Variants in MTURN observed in about 807,000 individuals in gnomAD.
The protein encoded by MTURN is maturin, neural progenitor differentiation regulator homolog.
MTURN carries 7 observed loss-of-function variants against 14.9 expected under a neutral mutation model. The observed-to-expected ratio is 0.47, with a 90% CI of 0.27 to 0.88. The LOEUF is 0.88. Among genes scored for constraint, MTURN ranks in the 40% least tolerant of loss-of-function variants. The pLI is 0.14. For synonymous variants in MTURN, 69 were observed against 72.5 expected (o/e 0.95, Z 0.25); for missense variants, 151 against 174.1 (o/e 0.87, Z 0.75).
intron 1 of MTURN, among the ~76,000 whole-genome samples, chr7:30,140,415 G>GTGTATATATATATATATATATATA (rs33952294): frequency 1.2e-4 from 17 of 143,732 alleles, no homozygotes; most frequent in Admixed American, 9.7e-4. Context: ...GTGTGTGTGT[G>GTGTATATATATATATATATATATA]TATCCCCATT....
chr7:30,141,297 C>G (rs1462448569), intron 1 of MTURN: 1 of 151,890 alleles, frequency 6.6e-6, no homozygotes, highest in African/African-American at 2.4e-5. Flanking sequence ...CGCCTGTAAT[C>G]CCAGCTACTT....
chr7:30,139,900 G>C (rs1797022582), intron 1 of MTURN, among the ~76,000 whole-genome samples: 2 of 152,168 alleles, frequency 1.3e-5, no homozygotes, highest in South Asian at 4.1e-4. Flanking sequence ...AGTGCCCTGT[G>C]TGTGGAGGAA....
At chr7:30,137,103 C>G (rs559370781) in intron 1 of MTURN, among the ~76,000 whole-genome samples, 4 of 151,346 alleles carry the variant, frequency 2.6e-5, no homozygotes, top group Admixed American at 6.6e-5. Flanking sequence ...GGGATTCACT[C>G]CATTGCAAAA....
chr7:30,146,435 A>G, intron 2 of MTURN, 136 bp downstream of exon 2: 3 of 1,275,224 alleles, frequency 2.4e-6, no homozygotes, highest in Non-Finnish European at 2.2e-6. Flanking sequence ...TGGCTTAGAG[A>G]TAGCAGCCAG....
At chr7:30,157,285 A>G (rs552745644) in intron 2 of MTURN, among the ~76,000 whole-genome samples, 153 bp from the exon 3 acceptor site, 1 of 152,356 alleles carries the variant, frequency 6.6e-6, no homozygotes, top group Admixed American at 6.5e-5. Context: ...CCGTCTAACA[A>G]GTTTATGAAA....
chr7:30,157,614 C>T lies in MTURN; in HGVS notation c.*66C>T. The T allele has an allele frequency of 8.0e-7, 1 of 1,243,068 alleles. No homozygotes were observed. Among genetic ancestry groups the T allele is most frequent in the Non-Finnish European group, 1.1e-6 (1 of 900,818 alleles). 77.0% of individuals were successfully genotyped at this position (1,243,068 alleles called of 1,614,324 possible). ...AACCTAGGTGGGGTCACTGCCCCTC[C>T]TGGGTTAGCATTTTGCATTAGCACT... On this transcript the variant is annotated 3_prime_UTR_variant, in exon 3 of 3. Transcript: ENST00000324453.
chr7:30,146,158 G>A lies in MTURN; in HGVS notation c.163-19G>A, dbSNP rs761978330. 1.5e-5 allele frequency: 24 copies of A among 1,613,164 alleles called. 1 individual carries two copies. The Admixed American group carries it at 1.7e-4, about 11-fold the overall frequency. ...CTGTGTGTCTTTGTTTTCTCCTTCC[G>A]TCGCCCGTGGGCACGCAGCACGTGT... is the stretch of plus-strand genomic sequence containing the variant. On this transcript the variant is annotated intron_variant, in intron 1 of 2. Transcript: ENST00000324453.
intron 2 of MTURN, among the ~76,000 whole-genome samples, chr7:30,153,501 G>A (rs1045011705): frequency 6.6e-6 from 1 of 152,174 alleles, no homozygotes; most frequent in Non-Finnish European, 1.5e-5. Context: ...GGGTAGGGGT[G>A]TGAAGTCTGC....
intron 2 of MTURN, among the ~76,000 whole-genome samples, chr7:30,153,919 T>C (rs1797247545): frequency 6.6e-6 from 1 of 152,158 alleles, no homozygotes; most frequent in African/African-American, 2.4e-5. Context: ...TGTTTCACCA[T>C]GTTGGCTAGG....
intron 2 of MTURN, among the ~76,000 whole-genome samples, chr7:30,148,950 A>G (rs1001733917): frequency 2.0e-5 from 3 of 152,200 alleles, no homozygotes; most frequent in African/African-American, 7.2e-5. Context: ...TTCGCTTTGC[A>G]GCAGGTTTCC....
intron 1 of MTURN, among the ~76,000 whole-genome samples, chr7:30,140,233 C>G (rs1797027946): frequency 6.6e-6 from 1 of 152,084 alleles, no homozygotes; most frequent in South Asian, 2.1e-4. Context: ...CCCAGATTGC[C>G]CAGCCTTTCC....
chr7:30,143,871 T>G (rs150205042), intron 1 of MTURN, among the ~76,000 whole-genome samples: 66 of 152,382 alleles, frequency 4.3e-4, no homozygotes, highest in African/African-American at 1.5e-3. Context: ...TGTTATTGTT[T>G]GAGTGATATA....
chr7:30,151,384 C>T (rs1360747610), intron 2 of MTURN, among the ~76,000 whole-genome samples: 1 of 152,212 alleles, frequency 6.6e-6, no homozygotes, highest in Non-Finnish European at 1.5e-5. Context: ...AGTTGCTGGT[C>T]ATACACGATT....
At chr7:30,136,048 C>T (rs181516625) in intron 1 of MTURN, among the ~76,000 whole-genome samples, 21 of 152,336 alleles carry the variant, frequency 1.4e-4, no homozygotes, top group Admixed American at 9.8e-4. Flanking sequence ...TCTCCCCCTG[C>T]CCCCGCGCTG....
intron 1 of MTURN, chr7:30,137,305 C>CA (rs1255166062): frequency 4.4e-6 from 1 of 226,824 alleles, no homozygotes; most frequent in Non-Finnish European, 9.2e-6. Flanking sequence ...GAAGCCCACA[C>CA]AGCCTTCCTG....
chr7:30,140,415 G>GTATATATATATATATATATATATC (rs767262743), intron 1 of MTURN, among the ~76,000 whole-genome samples: 1 of 143,814 alleles, frequency 7.0e-6, no homozygotes, highest in East Asian at 2.1e-4. Context: ...GTGTGTGTGT[G>GTATATATATATATATATATATATC]TATCCCCATT....
chr7:30,145,014 T>TCC (rs1797109021), intron 1 of MTURN, among the ~76,000 whole-genome samples: 1 of 138,094 alleles, frequency 7.2e-6, no homozygotes, highest in Non-Finnish European at 1.6e-5. Context: ...ACCTGACAGA[T>TCC]ACTCTGATGT....
rs867107808 is a variant in MTURN at position 30,160,309 on chromosome 7, G to A, written c.*2761G>A. 1 of 152,328 alleles carries A rather than the reference G, an allele frequency of 6.6e-6. No individual in the cohort carries two copies. Among genetic ancestry groups the A allele is most frequent in the Non-Finnish European group, 1.5e-5 (1 of 68,118 alleles). The allele number at this position is 152,328 out of a possible 1,614,324, so 9.4% of individuals were successfully genotyped here. A position where few individuals can be genotyped will look rare whatever the true frequency, so the allele number is the denominator to read the frequency against. Reference sequence around the variant, plus strand: ...GCCCCTGAGGGCTCGATCTCATGGGGCAGATGAAATTCTCTTCCTTAGAGG... The same window carrying A: ...GCCCCTGAGGGCTCGATCTCATGGGACAGATGAAATTCTCTTCCTTAGAGG... On this transcript the variant is annotated 3_prime_UTR_variant, in exon 3 of 3. Transcript: ENST00000324453.
chr7:30,141,600 C>T (rs546535769), intron 1 of MTURN, among the ~76,000 whole-genome samples: 1 of 152,062 alleles, frequency 6.6e-6, no homozygotes, highest in East Asian at 1.9e-4. Context: ...CAGAGCTCAC[C>T]GTAACCTCAA....
Sources: gnomAD v4.1 joint callset for allele counts (sites outside exome capture counted in the v4.1 genomes callset) on GRCh38, gnomAD v4.1.1 for gene constraint, MANE v1.5 for transcripts, NCBI Gene and HGNC (gene_info 2026-07-23, HGNC 2026-07-21) for gene names.